Variants in ANTXR1 observed in about 807,000 individuals in gnomAD.
ANTXR1 encodes anthrax toxin receptor 1.
Under a neutral mutation model 78.1 loss-of-function variants are expected in ANTXR1, and 19 were observed. The ratio of observed to expected loss-of-function variants is 0.24; its 90% CI spans 0.17 to 0.36. ANTXR1 has a LOEUF of 0.36. Among genes scored for constraint, ANTXR1 ranks in the 10% least tolerant of loss-of-function variants. The pLI is 1.00. For missense variants in ANTXR1, 518 were observed against 718.6 expected (o/e 0.72, Z 3.19); for synonymous variants, 273 against 260.5 (o/e 1.05, Z -0.46).
intron 17 of ANTXR1, among the ~76,000 whole-genome samples, chr2:69,243,289 G>A (rs1442056763): frequency 6.6e-6 from 1 of 152,206 alleles, no homozygotes; most frequent in Non-Finnish European, 1.5e-5. Flanking sequence ...CTGTGAGGCT[G>A]TGAGTTGTGG....
At chr2:69,191,385 A>G (rs183160779) in intron 16 of ANTXR1, among the ~76,000 whole-genome samples, 1 of 152,338 alleles carries the variant, frequency 6.6e-6, no homozygotes, top group East Asian at 1.9e-4. Context: ...ATGCTTCTTA[A>G]CACTGCCCCT....
At chr2:69,018,020 C>T (rs1304133565) in intron 1 of ANTXR1, among the ~76,000 whole-genome samples, 1 of 152,140 alleles carries the variant, frequency 6.6e-6, no homozygotes, top group African/African-American at 2.4e-5. Context: ...TCTCAAGTGG[C>T]TGGCTATGTT....
chr2:69,073,601 A>G (rs993204939), intron 6 of ANTXR1, among the ~76,000 whole-genome samples: 2 of 152,182 alleles, frequency 1.3e-5, no homozygotes, highest in African/African-American at 4.8e-5. Context: ...CTCTTTTAAT[A>G]GTTCCTTTTT....
At chr2:69,138,742 T>G (rs989508592) in intron 12 of ANTXR1, among the ~76,000 whole-genome samples, 8 of 152,220 alleles carry the variant, frequency 5.3e-5, no homozygotes, top group Admixed American at 5.2e-4. Flanking sequence ...GCTTCATGTT[T>G]TGTTTCATTT....
intron 17 of ANTXR1, among the ~76,000 whole-genome samples, chr2:69,211,636 C>A (rs1675046485): frequency 6.6e-6 from 1 of 152,244 alleles, no homozygotes; most frequent in African/African-American, 2.4e-5. Context: ...AATAAGCCAA[C>A]ATGCATTGGG....
intron 16 of ANTXR1, among the ~76,000 whole-genome samples, chr2:69,186,371 A>G (rs1674415959): frequency 6.6e-6 from 1 of 152,262 alleles, no homozygotes; most frequent in Admixed American, 6.5e-5. Context: ...TGTTCGATCC[A>G]CAATGAGTCC....
chr2:69,182,285 A>T (rs1420660784), intron 15 of ANTXR1, among the ~76,000 whole-genome samples: 1 of 152,048 alleles, frequency 6.6e-6, no homozygotes, highest in African/African-American at 2.4e-5. Context: ...TCCTCCCTAA[A>T]TATCCACCCA....
intron 3 of ANTXR1, among the ~76,000 whole-genome samples, chr2:69,069,024 A>G (rs938952905): frequency 1.3e-5 from 2 of 152,130 alleles, no homozygotes; most frequent in African/African-American, 2.4e-5. Flanking sequence ...AAAAGAGAAT[A>G]GTCAGTTTCC....
intron 17 of ANTXR1, among the ~76,000 whole-genome samples, chr2:69,231,596 T>G (rs1264350940): frequency 6.6e-6 from 1 of 152,208 alleles, no homozygotes; most frequent in Non-Finnish European, 1.5e-5. Flanking sequence ...TCACATTTTT[T>G]GGGTCGATTG....
At chr2:69,096,304 G>A (rs1229471019) in intron 9 of ANTXR1, among the ~76,000 whole-genome samples, 3 of 3,208 alleles carry the variant, frequency 9.4e-4, no homozygotes, top group African/African-American at 7.4e-3. Flanking sequence ...AAGGGAGGAA[G>A]GGAGGAAGGG....
intron 14 of ANTXR1, among the ~76,000 whole-genome samples, chr2:69,177,988 T>G: frequency 6.6e-6 from 1 of 152,188 alleles, no homozygotes; most frequent in East Asian, 1.9e-4. Flanking sequence ...GGTTTTTGTT[T>G]TGTTTTGTTT....
At chr2:69,170,340 G>A (rs1241504708) in intron 14 of ANTXR1, 51 bp downstream of exon 14, 1 of 1,608,292 alleles carries the variant, frequency 6.2e-7, no homozygotes, top group East Asian at 2.2e-5. Context: ...GCAGAGTAGG[G>A]TGGAGAGCTG....
intron 14 of ANTXR1, among the ~76,000 whole-genome samples, chr2:69,173,774 G>A (rs1558621441): frequency 6.6e-6 from 1 of 152,154 alleles, no homozygotes; most frequent in East Asian, 1.9e-4. Context: ...TGGAAAGTGG[G>A]TTATGGCTTA....
chr2:69,227,083 G>A (rs921292512), intron 17 of ANTXR1, among the ~76,000 whole-genome samples: 3 of 152,136 alleles, frequency 2.0e-5, no homozygotes, highest in African/African-American at 7.2e-5. Context: ...GAAGAGTACT[G>A]GGGCCCAGTG....
intron 3 of ANTXR1, among the ~76,000 whole-genome samples, chr2:69,047,642 G>C (rs943606672): frequency 6.6e-6 from 1 of 151,992 alleles, no homozygotes; most frequent in East Asian, 1.9e-4. Flanking sequence ...CTTGAGTTGG[G>C]GGGGGAAATT....
intron 12 of ANTXR1, among the ~76,000 whole-genome samples, chr2:69,131,518 G>C (rs1167238276): frequency 6.6e-6 from 1 of 152,200 alleles, no homozygotes; most frequent in Non-Finnish European, 1.5e-5. Flanking sequence ...TTGTCATAAA[G>C]CAAACGCAGA....
chr2:69,125,079 G>T (rs1240818946), intron 12 of ANTXR1, among the ~76,000 whole-genome samples: 1 of 152,164 alleles, frequency 6.6e-6, no homozygotes, highest in Non-Finnish European at 1.5e-5. Context: ...AGGAAAATGT[G>T]GAGTTTGGGG....
chr2:69,071,755 C>T lies in ANTXR1; in HGVS notation c.380C>T (p.Ala127Val). ...AGGGCTCTTTCATATGTTTTTCAGG[C>T]CAGTGAGCAGATTTATTATGAAAAC... The part of the protein sequence containing the change: ...DTYMHEGFER[A>V]SEQIYYENRQ... The change falls in exon 5 of 18, where the codon GCC becomes GTC. Residue 127 changes from alanine (A) to valine (V), a missense_variant and splice_region_variant. Around this residue, in one of 5 missense-constraint regions of ANTXR1, gnomAD observed 264 missense variants for 391.8 expected, o/e 0.67. Transcript: ENST00000303714. The T allele has an allele frequency of 6.2e-7, 1 of 1,613,710 alleles. No individual in the cohort carries two copies. Among genetic ancestry groups the T allele is most frequent in the Non-Finnish European group, 8.5e-7 (1 of 1,179,734 alleles).
chr2:69,140,173 C>T (rs1673030740), intron 12 of ANTXR1, among the ~76,000 whole-genome samples: 2 of 152,202 alleles, frequency 1.3e-5, no homozygotes, highest in African/African-American at 4.8e-5. Context: ...GTACTTATCA[C>T]CTTCTGTGAT....
Sources: gnomAD v4.1 joint callset for allele counts (sites outside exome capture counted in the v4.1 genomes callset) on GRCh38, gnomAD v4.1.1 for gene constraint, gnomAD v4.1.1 regional missense constraint, MANE v1.5 for transcripts, NCBI Gene and HGNC (gene_info 2026-07-23, HGNC 2026-07-21) for gene names.